PBRM1: variants seen among roughly 807,000 people sequenced by gnomAD.
The protein encoded by PBRM1 is polybromo 1.
A neutral mutation model predicts 194.5 loss-of-function variants in PBRM1; 27 were observed. That is an observed-to-expected ratio of 0.14 (90% CI 0.10 to 0.19). The LOEUF is 0.19. Ranked by LOEUF, PBRM1 falls within the 10% of genes least tolerant of loss-of-function variation. PBRM1 has a pLI of 1.00. For synonymous variants in PBRM1, 655 were observed against 693.2 expected (o/e 0.94, Z 0.87); for missense variants, 1,466 against 2,077.2 (o/e 0.71, Z 5.72).
In PBRM1 at chr3:52,609,630, A is replaced by G; in HGVS notation, c.2250T>C (p.Leu750=). The change falls in exon 16 of 30, where the codon CTT becomes CTC. Residue 750 remains leucine (L), a synonymous_variant. Transcript: ENST00000296302. The surrounding 1 kb of genome is among the most constrained non-coding windows in gnomAD (Gnocchi z 4.1). ...TTTCAAGCAGGACTTTGTGTAGAAC[A>G]AGAGCATCTTTGTAGATCAAAGACT... is the stretch of plus-strand genomic sequence containing the variant. The G allele has an allele frequency of 6.2e-7, 1 of 1,613,544 alleles. No homozygotes were observed. The highest frequency in any genetic ancestry group is 8.5e-7 in the Non-Finnish European group (1 of 1,179,644).
chr3:52,553,022 G>GC (rs763472986), intron 27 of PBRM1, among the ~76,000 whole-genome samples: 1 of 152,172 alleles, frequency 6.6e-6, no homozygotes, highest in Non-Finnish European at 1.5e-5. Flanking sequence ...TCCAGGCCAG[G>GC]CCACCAAGTT....
intron 22 of PBRM1, among the ~76,000 whole-genome samples, chr3:52,573,165 G>A (rs1338098868): frequency 2.6e-5 from 4 of 152,150 alleles, no homozygotes; most frequent in Admixed American, 2.0e-4. Context: ...CCCACTCCCT[G>A]GGTAGTAACT....
chr3:52,578,821 A>T (rs1186537429), intron 21 of PBRM1, among the ~76,000 whole-genome samples: 1 of 152,194 alleles, frequency 6.6e-6, no homozygotes, highest in Admixed American at 6.5e-5. Context: ...TTACTGTATG[A>T]AGTAGGCAGG....
intron 22 of PBRM1, among the ~76,000 whole-genome samples, chr3:52,570,894 GTT>G (rs79113447): frequency 2.2e-5 from 3 of 137,568 alleles, no homozygotes; most frequent in Admixed American, 7.3e-5. Context: ...TTGTTTCTTC[GTT>G]TTTTTTTTTT....
intron 7 of PBRM1, among the ~76,000 whole-genome samples, chr3:52,646,598 C>G (rs2096295809): frequency 6.6e-6 from 1 of 150,802 alleles, no homozygotes; most frequent in Non-Finnish European, 1.5e-5. Context: ...ACCCATACAT[C>G]TATGGTCAAT....
chr3:52,681,703 C>A (rs2097207908), upstream of PBRM1: 2 of 1,013,006 alleles, frequency 2.0e-6, no homozygotes, highest in African/African-American at 3.5e-5. Context: ...ACCAGCTTTA[C>A]CAGAGCACAA....
intron 7 of PBRM1, among the ~76,000 whole-genome samples, chr3:52,648,066 G>A (rs1031997421): frequency 1.3e-5 from 2 of 151,758 alleles, no homozygotes; most frequent in East Asian, 3.9e-4. Context: ...CTGCCACCAC[G>A]CCCAGCTAAT....
intron 20 of PBRM1, among the ~76,000 whole-genome samples, chr3:52,582,702 A>T (rs1490020992): frequency 6.6e-6 from 1 of 152,076 alleles, no homozygotes; most frequent in Admixed American, 6.6e-5. Flanking sequence ...AAAAAATCAC[A>T]TTCTTTCCCA....
upstream of PBRM1, chr3:52,681,117 T>C (rs1008882017): frequency 6.6e-6 from 1 of 150,942 alleles, no homozygotes; most frequent in African/African-American, 2.4e-5. Context: ...TACCTCATAA[T>C]TGTAAGGCAC....
chr3:52,611,249 G>C (rs1358840814), intron 15 of PBRM1, among the ~76,000 whole-genome samples: 3 of 152,116 alleles, frequency 2.0e-5, no homozygotes, highest in Non-Finnish European at 4.4e-5. Context: ...TTTCTCTATA[G>C]CTAATAAGGA....
chr3:52,663,346 C>T (rs914811736), intron 3 of PBRM1, among the ~76,000 whole-genome samples: 7 of 152,208 alleles, frequency 4.6e-5, no homozygotes, highest in Admixed American at 2.6e-4. Context: ...AAATCAGTTT[C>T]TGTACTGCCA....
chr3:52,682,662 G>C (rs961754821), upstream of PBRM1, among the ~76,000 whole-genome samples: 1 of 152,158 alleles, frequency 6.6e-6, no homozygotes, highest in East Asian at 1.9e-4. Flanking sequence ...GAAACAACAG[G>C]ACCTTTGCTC....
At chr3:52,676,515 C>G (rs1242474764) in intron 2 of PBRM1, among the ~76,000 whole-genome samples, 1 of 152,208 alleles carries the variant, frequency 6.6e-6, no homozygotes, top group Non-Finnish European at 1.5e-5. Flanking sequence ...GATTCTGAGG[C>G]CTCCCCAGCC....
Position 52,586,826 on chromosome 3 carries a change from C to CA in PBRM1, c.3124-139dup, listed in dbSNP as rs2092463619. 10 of 629,882 alleles carry CA rather than the reference C, an allele frequency of 1.6e-5. No individual in the cohort carries two copies. In the South Asian group the frequency reaches 2.0e-4, roughly 12 times the overall value. The allele number at this position is 629,882 out of a possible 1,614,324, so 39.0% of individuals were successfully genotyped here. On this transcript the variant is annotated intron_variant, in intron 19 of 29. Transcript: ENST00000296302. ...TGATTACAGACTTTCTGGCAGTTAA[C>CA]AAAAAATAATAAATGACCAGAGATT...
chr3:52,577,633 T>G (rs1043066772), intron 21 of PBRM1, among the ~76,000 whole-genome samples: 3 of 151,818 alleles, frequency 2.0e-5, no homozygotes, highest in African/African-American at 7.3e-5. Flanking sequence ...CACACAGGAG[T>G]CATCCTTGAC....
intron 13 of PBRM1, among the ~76,000 whole-genome samples, chr3:52,617,986 G>T (rs2095056983): frequency 6.6e-6 from 1 of 152,158 alleles, no homozygotes; most frequent in Non-Finnish European, 1.5e-5. Flanking sequence ...AAAGAGAAGT[G>T]TTTCATCTCT....
intron 5 of PBRM1, among the ~76,000 whole-genome samples, chr3:52,654,402 G>A (rs1389615373): frequency 3.9e-5 from 6 of 152,118 alleles, no homozygotes; most frequent in Non-Finnish European, 8.8e-5. Flanking sequence ...TTATGGCAAG[G>A]CCACCCAGCA....
rs918302763 is a variant in PBRM1, at chr3:52,677,691, G to T, written c.236+809C>A. On this transcript the variant is annotated intron_variant, in intron 2 of 29. Transcript: ENST00000296302. ...GCCTCCCAAAGTGCTAGGATTACAG[G>T]AATGAGCCATTGCGCCCAGCCTTGC... Among the ~76,000 whole-genome samples the T allele has an allele frequency of 3.3e-5, 5 of 152,170 alleles. No homozygotes were observed. In the South Asian group the frequency reaches 1.0e-3, roughly 32 times the overall value.
chr3:52,564,334 T>C, intron 22 of PBRM1, 101 bp from the exon 25 acceptor site: 1 of 848,534 alleles, frequency 1.2e-6, no homozygotes, highest in East Asian at 2.7e-5. Context: ...ATTCATATAA[T>C]TAACAATTTT....
Sources: allele counts gnomAD v4.1 joint callset (sites outside exome capture counted in the v4.1 genomes callset), GRCh38; gene constraint gnomAD v4.1.1; non-coding constraint Gnocchi (gnomAD v3.1); transcripts MANE v1.5; gene names NCBI Gene and HGNC (gene_info 2026-07-23, HGNC 2026-07-21).